The following SCGN variants were observed in gnomAD, a reference collection of about 807,000 sequenced individuals.
The protein encoded by SCGN is secretagogin.
In SCGN, 30 loss-of-function variants were observed where a neutral mutation model predicts 39.7. The observed-to-expected ratio is 0.76, with a 90% CI of 0.57 to 1.03. The LOEUF (loss-of-function observed/expected upper bound fraction) is 1.03. Ranked by LOEUF, SCGN falls within the 50% of genes least tolerant of loss-of-function variation. The probability of loss-of-function intolerance (pLI) is 0.00; values close to 1 mark genes in which losing one functional copy is unlikely to be tolerated. For missense variants in SCGN, 353 were observed against 349.4 expected, an observed-to-expected ratio of 1.01 and a Z score of -0.08; for synonymous variants, 106 against 114.1, an observed-to-expected ratio of 0.93 and a Z score of 0.45.
At chr6:25,680,539 G>T (rs1316455756) in intron 6 of SCGN, among the ~76,000 whole-genome samples, 1 of 152,172 alleles carries the variant, frequency 6.6e-6, no homozygotes, top group Non-Finnish European at 1.5e-5. Flanking sequence ...GTTTTCTCTT[G>T]GAGTAAGTTT....
intron 2 of SCGN, among the ~76,000 whole-genome samples, chr6:25,656,176 C>T (rs1328677270): frequency 6.6e-6 from 1 of 152,150 alleles, no homozygotes. Flanking sequence ...GAACAGTCAC[C>T]ATTTGATTGT....
chr6:25,663,469 T>A (rs1487353942), intron 3 of SCGN, among the ~76,000 whole-genome samples: 1 of 152,218 alleles, frequency 6.6e-6, no homozygotes, highest in Non-Finnish European at 1.5e-5. Context: ...ATTTGTTGAC[T>A]AATTGATATG....
At chr6:25,659,413 A>T (rs1760292654) in intron 2 of SCGN, among the ~76,000 whole-genome samples, 3 of 152,196 alleles carry the variant, frequency 2.0e-5, no homozygotes, top group Non-Finnish European at 2.9e-5. Flanking sequence ...ACTAGACCAG[A>T]TATCAAATAT....
At chr6:25,696,190 G>A (rs372018012) in intron 10 of SCGN, among the ~76,000 whole-genome samples, 21 of 152,248 alleles carry the variant, frequency 1.4e-4, no homozygotes, top group African/African-American at 4.8e-4. Context: ...TAGCAAAAAT[G>A]TCTCTTTTCA....
At chr6:25,691,319 A>G (rs774927225) in intron 10 of SCGN, among the ~76,000 whole-genome samples, 195 bp downstream of exon 10, 1 of 152,254 alleles carries the variant, frequency 6.6e-6, no homozygotes, top group Non-Finnish European at 1.5e-5. Context: ...TTTAAATTAC[A>G]TGAAGCTATC....
chr6:25,669,673 G>A (rs1205856619), intron 5 of SCGN, 106 bp downstream of exon 5: 1 of 936,778 alleles, frequency 1.1e-6, no homozygotes, highest in African/African-American at 1.6e-5. Context: ...ATTTGAATAT[G>A]TGACTCAAAA....
At chr6:25,661,786 A>AAT (rs1760342687) in intron 3 of SCGN, 142 bp downstream of exon 3, 1 of 576,244 alleles carries the variant, frequency 1.7e-6, no homozygotes, top group African/African-American at 1.9e-5. Flanking sequence ...TCTGAAAGGC[A>AAT]GTTGGCCTAG....
intron 9 of SCGN, among the ~76,000 whole-genome samples, 196 bp from the exon 10 acceptor site, chr6:25,690,860 G>C (rs1268131853): frequency 6.6e-6 from 1 of 152,234 alleles, no homozygotes. Flanking sequence ...TGGTTACATG[G>C]AGCTGTTTTC....
intron 7 of SCGN, among the ~76,000 whole-genome samples, chr6:25,688,942 T>C (rs569739811): frequency 2.0e-5 from 3 of 152,210 alleles, no homozygotes; most frequent in African/African-American, 7.2e-5. Flanking sequence ...AAGCCCATAC[T>C]GTGCCATTTT....
chr6:25,669,432 T>A, intron 4 of SCGN, 79 bp from the exon 5 acceptor site: 4 of 1,211,500 alleles, frequency 3.3e-6, no homozygotes, highest in Non-Finnish European at 4.9e-6. Context: ...TGTTTTCAGA[T>A]GCTGAACTGT....
intron 6 of SCGN, among the ~76,000 whole-genome samples, chr6:25,672,373 T>A (rs1759511350): frequency 6.6e-6 from 1 of 152,106 alleles, no homozygotes; most frequent in Non-Finnish European, 1.5e-5. Flanking sequence ...CAGAGGGTGA[T>A]GAGTGTTATG....
intron 6 of SCGN, chr6:25,678,696 A>G (rs927259968): frequency 6.6e-6 from 1 of 152,366 alleles, no homozygotes; most frequent in Non-Finnish European, 1.5e-5. Context: ...CTGGAAGTAA[A>G]TTGGAAAAGG....
rs765342971 is a variant in SCGN, at chr6:25,691,090, A to G, written c.668A>G (p.Asp223Gly). Residue 223 changes from aspartate to glycine, a missense_variant, in exon 10 of 11, where the codon GAT becomes GGT. Transcript: ENST00000377961. The part of the protein sequence containing the change: ...KTGALEGPEV[D>G]GFVKDMMELV... ...GGAGCCCTGGAAGGCCCAGAAGTGG[A>G]TGGGTTTGTCAAAGACATGATGGAG... 1.1e-5 allele frequency: 17 copies of G among 1,613,706 alleles called. No homozygotes were observed. Among genetic ancestry groups the G allele is most frequent in the Non-Finnish European group, 1.1e-5 (13 of 1,179,792 alleles).
At chr6:25,692,419 A>G (rs1297901610) in intron 10 of SCGN, among the ~76,000 whole-genome samples, 1 of 152,148 alleles carries the variant, frequency 6.6e-6, no homozygotes, top group Non-Finnish European at 1.5e-5. Context: ...CTGAGTGTAG[A>G]GCCTGGGGGC....
At chr6:25,653,917 A>AC (rs1423843069) in intron 2 of SCGN, among the ~76,000 whole-genome samples, 1 of 152,234 alleles carries the variant, frequency 6.6e-6, no homozygotes, top group Non-Finnish European at 1.5e-5. Flanking sequence ...AGAAGAGGTT[A>AC]CAGATTTTTC....
intron 3 of SCGN, among the ~76,000 whole-genome samples, chr6:25,663,584 G>C (rs1760378090): frequency 6.6e-6 from 1 of 152,094 alleles, no homozygotes; most frequent in South Asian, 2.1e-4. Context: ...TTCCAAATGA[G>C]GAAACTGAGG....
At chr6:25,667,710 G>A (rs1044678462) in intron 4 of SCGN, among the ~76,000 whole-genome samples, 4 of 151,804 alleles carry the variant, frequency 2.6e-5, no homozygotes, top group Admixed American at 6.6e-5. Context: ...ATCCTTTACC[G>A]GGAGTCTGCT....
Position 25,652,342 on chromosome 6 carries a change from G to A in SCGN, c.-62G>A. ...GAGCAAGTCAAGAAATACGGTGAAG[G>A]AGTCCTTCCCAAAGTTGTCTAGGTC... On this transcript the variant is annotated 5_prime_UTR_variant, in exon 1 of 11. Transcript: ENST00000377961. 8.7e-7 allele frequency: 1 copy of A among 1,155,526 alleles called. No individual in the cohort carries two copies. The highest frequency in any genetic ancestry group is 1.3e-6 in the Non-Finnish European group (1 of 793,210). The allele number at this position is 1,155,526 out of a possible 1,614,324, so 71.6% of individuals were successfully genotyped here.
chr6:25,660,369 A>G (rs1760315993), intron 2 of SCGN, among the ~76,000 whole-genome samples: 1 of 152,218 alleles, frequency 6.6e-6, no homozygotes, highest in South Asian at 2.1e-4. Flanking sequence ...CCTGTGATGG[A>G]GGGCAAAGAC....
Sources: allele counts gnomAD v4.1 joint callset (sites outside exome capture counted in the v4.1 genomes callset), GRCh38; gene constraint gnomAD v4.1.1; transcripts MANE v1.5; gene names NCBI Gene and HGNC (gene_info 2026-07-23, HGNC 2026-07-21).